RPA3: variants seen among roughly 807,000 people sequenced by gnomAD.
RPA3 encodes the protein replication protein A3, also known as replication protein A 14 kDa subunit.
Under a neutral mutation model 13.7 loss-of-function variants are expected in RPA3, and 24 were observed. The observed-to-expected ratio is 1.75, with a 90% CI of 1.27 to 2.46. RPA3 has a LOEUF of 2.46. Among genes scored for constraint, RPA3 ranks in the 30% most tolerant of loss-of-function variants. The pLI is 0.00. For missense variants in RPA3, 183 were observed against 151.0 expected, an observed-to-expected ratio of 1.21 and a Z score of -1.11; for synonymous variants, 59 against 51.2, an observed-to-expected ratio of 1.15 and a Z score of -0.65.
intron 4 of RPA3, among the ~76,000 whole-genome samples, chr7:7,680,978 C>G (rs977490295): frequency 6.6e-6 from 1 of 151,986 alleles, no homozygotes; most frequent in African/African-American, 2.4e-5. Context: ...CATATATCCA[C>G]ATAACTTTTT....
At chr7:7,661,242 TC>T (rs1014679641) in intron 4 of RPA3, among the ~76,000 whole-genome samples, 2 of 152,178 alleles carry the variant, frequency 1.3e-5, no homozygotes, top group Non-Finnish European at 2.9e-5. Flanking sequence ...GTTCTTAGCT[TC>T]CTTGCGTTGG....
intron 4 of RPA3, among the ~76,000 whole-genome samples, chr7:7,662,836 A>G (rs931368773): frequency 6.6e-6 from 1 of 152,162 alleles, no homozygotes; most frequent in Non-Finnish European, 1.5e-5. Context: ...TGGTGTTTAG[A>G]TTTTGTTGAA....
chr7:7,699,739 A>C (rs1780410275), intron 2 of RPA3, among the ~76,000 whole-genome samples: 1 of 152,224 alleles, frequency 6.6e-6, no homozygotes, highest in South Asian at 2.1e-4. Context: ...CACAACTTGT[A>C]AGGTTCTGTA....
chr7:7,666,014 C>T (rs915060640), intron 4 of RPA3, among the ~76,000 whole-genome samples: 3 of 151,788 alleles, frequency 2.0e-5, no homozygotes, highest in Non-Finnish European at 4.4e-5. Flanking sequence ...TGTGGACCTA[C>T]GTTTTCATTT....
intron 2 of RPA3, among the ~76,000 whole-genome samples, chr7:7,690,996 C>T (rs1020789576): frequency 2.6e-5 from 4 of 152,136 alleles, no homozygotes; most frequent in Admixed American, 2.6e-4. Flanking sequence ...TCTAGGTCTC[C>T]AAAGTTACAG....
At chr7:7,647,952 C>G (rs757928360) in intron 4 of RPA3, among the ~76,000 whole-genome samples, 6 of 152,110 alleles carry the variant, frequency 3.9e-5, no homozygotes, top group African/African-American at 9.7e-5. Context: ...TATAGACGTG[C>G]CAGCTGTGTT....
chr7:7,677,562 T>C (rs1432296604), intron 4 of RPA3, among the ~76,000 whole-genome samples: 4 of 152,202 alleles, frequency 2.6e-5, no homozygotes, highest in Non-Finnish European at 5.9e-5. Context: ...TAGTACCATC[T>C]ATGTTGTTGC....
At chr7:7,640,247 A>C (rs1391571054) in intron 5 of RPA3, 73 bp downstream of exon 5, 1 of 1,474,618 alleles carries the variant, frequency 6.8e-7, no homozygotes, top group African/African-American at 1.4e-5. Context: ...GTCCTTTTTC[A>C]TCCCCCGTTA....
chr7:7,660,105 A>C (rs1785437783), intron 4 of RPA3, among the ~76,000 whole-genome samples: 1 of 152,182 alleles, frequency 6.6e-6, no homozygotes, highest in African/African-American at 2.4e-5. Context: ...CTGTTTTATC[A>C]GAGACTACGA....
chr7:7,656,356 G>T (rs1258006225), intron 4 of RPA3, among the ~76,000 whole-genome samples: 1 of 151,946 alleles, frequency 6.6e-6, no homozygotes, highest in African/African-American at 2.4e-5. Flanking sequence ...TGGAGTACAT[G>T]TACAGAACGT....
At chr7:7,637,605 ATTGTATGTAATACATACAATT>A (rs1053640912) in intron 7 of RPA3, among the ~76,000 whole-genome samples, 22 of 151,946 alleles carry the variant, frequency 1.4e-4, no homozygotes, top group South Asian at 4.1e-4. Flanking sequence ...ATGTTATGTA[ATTGTATGTAATACATACAATT>A]TTGTATGTAA....
intron 2 of RPA3, among the ~76,000 whole-genome samples, chr7:7,713,062 C>T (rs867944316): frequency 8.6e-5 from 13 of 151,826 alleles, no homozygotes; most frequent in Non-Finnish European, 7.4e-5. Context: ...TCTAGGGCCG[C>T]GCGCGGTGGC....
At chr7:7,701,142 A>G (rs1780452481) in intron 2 of RPA3, among the ~76,000 whole-genome samples, 1 of 152,236 alleles carries the variant, frequency 6.6e-6, no homozygotes, top group Non-Finnish European at 1.5e-5. Flanking sequence ...GACATTTAAT[A>G]AACATGTTCT....
chr7:7,687,266 G>A lies in RPA3; in HGVS notation c.-965C>T, dbSNP rs1232908885. ...TTTTCCTTTTGTGTGAAATGTTAAT[G>A]ATATCATGGTGTCTTCATTACATTG... On this transcript the variant is annotated 5_prime_UTR_variant, in exon 3 of 8. Coordinates refer to ENST00000223129, the MANE Select transcript of RPA3 (RefSeq NM_002947.5). 2 of 152,186 alleles carry A rather than the reference G, an allele frequency of 1.3e-5. No homozygotes were observed. The highest frequency in any genetic ancestry group is 2.9e-5 in the Non-Finnish European group (2 of 68,040). The allele number at this position is 152,186 out of a possible 1,614,324, so 9.4% of individuals were successfully genotyped here.
chr7:7,714,319 C>A (rs183428989), intron 2 of RPA3, among the ~76,000 whole-genome samples: 7 of 152,334 alleles, frequency 4.6e-5, no homozygotes, highest in African/African-American at 1.7e-4. Flanking sequence ...AGCAGACTTT[C>A]TTTGGCTGCT....
chr7:7,677,861 G>T (rs1443747259), intron 4 of RPA3, among the ~76,000 whole-genome samples: 1 of 151,078 alleles, frequency 6.6e-6, no homozygotes, highest in African/African-American at 2.4e-5. Flanking sequence ...TTTTAGTAGA[G>T]ACGGGGTTTC....
chr7:7,695,730 C>T (rs997948386), intron 2 of RPA3, among the ~76,000 whole-genome samples: 6 of 152,160 alleles, frequency 3.9e-5, no homozygotes, highest in Non-Finnish European at 8.8e-5. Flanking sequence ...CCTATGTAGA[C>T]CTAGCATCTT....
At chr7:7,641,946 G>A (rs1178237952) in intron 4 of RPA3, among the ~76,000 whole-genome samples, 1 of 152,168 alleles carries the variant, frequency 6.6e-6, no homozygotes, top group African/African-American at 2.4e-5. Context: ...CTCACTAACG[G>A]TACTTTAAAG....
chr7:7,653,689 A>G (rs1326507514), intron 4 of RPA3, among the ~76,000 whole-genome samples: 1 of 152,242 alleles, frequency 6.6e-6, no homozygotes, highest in Non-Finnish European at 1.5e-5. Context: ...ACCTAGGGGA[A>G]TGTCTTTACC....
Sources: gnomAD v4.1 joint callset for allele counts (sites outside exome capture counted in the v4.1 genomes callset) on GRCh38, gnomAD v4.1.1 for gene constraint, MANE v1.5 for transcripts, NCBI Gene and HGNC (gene_info 2026-07-23, HGNC 2026-07-21) for gene names.